The following ZNF875 variants were observed in gnomAD, a reference collection of about 807,000 sequenced individuals.
ZNF875 encodes the protein HKR1, GLI-Kruppel zinc finger family member.
Under a neutral mutation model 11.2 loss-of-function variants are expected in ZNF875, and 14 were observed. The observed-to-expected ratio is 1.26, with a 90% CI of 0.83 to 1.96. The LOEUF (loss-of-function observed/expected upper bound fraction) is 1.96. Ranked by LOEUF, ZNF875 falls within the 30% of genes most tolerant of loss-of-function variation. ZNF875 has a pLI of 0.00. For missense variants in ZNF875, 752 were observed against 760.4 expected (o/e 0.99, Z 0.13); for synonymous variants, 301 against 281.1 (o/e 1.07, Z -0.71).
intron 2 of ZNF875, among the ~76,000 whole-genome samples, chr19:37,335,804 G>A (rs2034253125): frequency 6.6e-6 from 1 of 152,146 alleles, no homozygotes; most frequent in African/African-American, 2.4e-5. Flanking sequence ...ATGATAAACA[G>A]TTTACCGTTT....
At chr19:37,322,567 T>C (rs542114002) in intron 2 of ZNF875, among the ~76,000 whole-genome samples, 1 of 152,338 alleles carries the variant, frequency 6.6e-6, no homozygotes, top group East Asian at 1.9e-4. Context: ...TTTATTAGCT[T>C]TCTGATGCTG....
At chr19:37,338,149 G>A (rs2034897739) in intron 2 of ZNF875, among the ~76,000 whole-genome samples, 2 of 152,196 alleles carry the variant, frequency 1.3e-5, no homozygotes, top group Admixed American at 6.5e-5. Flanking sequence ...TTGAGGCGGA[G>A]TCATGCTCTG....
intron 4 of ZNF875, 54 bp downstream of exon 4, chr19:37,347,926 G>A (rs2037135781): frequency 9.6e-7 from 1 of 1,036,404 alleles, no homozygotes; most frequent in East Asian, 2.4e-5. Flanking sequence ...CAGATAGGAA[G>A]GAGGAGGCAT....
At chr19:37,317,003 T>C (rs2030249326), upstream of ZNF875, 1 of 137,422 alleles carries the variant, frequency 7.3e-6, no homozygotes, top group South Asian at 2.4e-4. Flanking sequence ...AGACGGAGTT[T>C]CGGTCTTGCC....
At chr19:37,320,038 C>T (rs2031071856) in intron 1 of ZNF875, among the ~76,000 whole-genome samples, 1 of 152,180 alleles carries the variant, frequency 6.6e-6, no homozygotes, top group Non-Finnish European at 1.5e-5. Context: ...CAGGCACCCG[C>T]CACCACGCCC....
chr19:37,336,229 G>A (rs1321615295), intron 2 of ZNF875, among the ~76,000 whole-genome samples: 1 of 151,750 alleles, frequency 6.6e-6, no homozygotes, highest in Non-Finnish European at 1.5e-5. Context: ...AGGAAGCATA[G>A]ATAGTTTCAG....
At chr19:37,338,101 T>A (rs549188934) in intron 2 of ZNF875, among the ~76,000 whole-genome samples, 1 of 152,160 alleles carries the variant, frequency 6.6e-6, no homozygotes, top group Non-Finnish European at 1.5e-5. Context: ...TTTCCCAAGG[T>A]AACATTGAAT....
rs1192354032 is a variant in ZNF875 at position 37,363,424 on chromosome 19, CCAGAGGACA to C, written c.1575_1583del (p.Gln525_Thr527del). ...ATGATAAGTCCACCCTCATTTCACA[CCAGAGGACA>C]CATTCAGGGGAAAAGCCTTTTATGT... On this transcript the variant is annotated inframe_deletion, in exon 5 of 5. Coordinates refer to ENST00000392153, the MANE Select transcript of ZNF875 (RefSeq NM_001353803.2). 5.0e-5 allele frequency: 80 copies of C among 1,613,926 alleles called. No homozygotes were observed. The highest frequency in any genetic ancestry group is 6.7e-5 in the Non-Finnish European group (79 of 1,180,014).
chr19:37,335,319 G>T, intron 2 of ZNF875, 62 bp downstream of exon 2: 1 of 660,804 alleles, frequency 1.5e-6, no homozygotes, highest in Non-Finnish European at 2.8e-6. Flanking sequence ...ACCTTTTCTT[G>T]TCCTGGAGGC....
chr19:37,344,539 G>A, intron 2 of ZNF875: 1 of 681,134 alleles, frequency 1.5e-6, no homozygotes, highest in Non-Finnish European at 2.6e-6. Context: ...GAAGTCTTTT[G>A]CTAGAATCCT....
chr19:37,354,112 A>T (rs1568634507), intron 4 of ZNF875, among the ~76,000 whole-genome samples: 1 of 151,774 alleles, frequency 6.6e-6, no homozygotes, highest in African/African-American at 2.4e-5. Context: ...GGGTGGGTGG[A>T]TATATGTAAT....
intron 1 of ZNF875, among the ~76,000 whole-genome samples, chr19:37,319,481 G>T (rs2030924248): frequency 6.6e-6 from 1 of 151,554 alleles, no homozygotes; most frequent in African/African-American, 2.4e-5. Context: ...TAGGCGGCAG[G>T]TCTCTATCTT....
chr19:37,319,076 C>T (rs1241949948), intron 1 of ZNF875, among the ~76,000 whole-genome samples: 4 of 143,944 alleles, frequency 2.8e-5, no homozygotes, highest in South Asian at 2.2e-4. Flanking sequence ...GACGGAGTTT[C>T]GCTCTTGTTG....
intron 4 of ZNF875, among the ~76,000 whole-genome samples, chr19:37,358,228 T>G (rs913480528): frequency 3.5e-5 from 5 of 141,224 alleles, no homozygotes; most frequent in African/African-American, 5.3e-5. Context: ...CACTGCAAGC[T>G]CCGTCTCCCA....
chr19:37,363,300 G>A lies in ZNF875; in HGVS notation c.1448G>A (p.Cys483Tyr), dbSNP rs1294676261. The stretch of plus-strand genomic sequence containing the variant: ...GAGAAGCCATTTGTATGTACGGAGT[G>A]TGGGCGAGGCTTTACCCGGAAATCA... ...TGEKPFVCTE[C>Y]GRGFTRKSTL... The change falls in exon 5 of 5, where the codon TGT (cysteine) becomes TAT (tyrosine). Residue 483 changes from cysteine (C) to tyrosine (Y), a missense_variant. Physicochemically the swap from Cys to Tyr is radical, Grantham distance 194. Coordinates refer to ENST00000392153, the MANE Select transcript of ZNF875 (RefSeq NM_001353803.2). The A allele has an allele frequency of 6.2e-7, 1 of 1,611,216 alleles. No individual in the cohort carries two copies. Among genetic ancestry groups the A allele is most frequent in the Non-Finnish European group, 8.5e-7 (1 of 1,177,994 alleles).
upstream of ZNF875, among the ~76,000 whole-genome samples, chr19:37,334,335 T>C (rs1010415109): frequency 3.3e-5 from 5 of 152,182 alleles, no homozygotes; most frequent in Non-Finnish European, 4.4e-5. Flanking sequence ...CACCCGCACC[T>C]TGAAGGTCAG....
intron 2 of ZNF875, among the ~76,000 whole-genome samples, chr19:37,343,713 T>C (rs1600078955): frequency 6.6e-6 from 1 of 152,124 alleles, no homozygotes; most frequent in Non-Finnish European, 1.5e-5. Context: ...TCATGTTTGC[T>C]GGTGTCCCAC....
chr19:37,321,297 A>C (rs2031390050), intron 1 of ZNF875, among the ~76,000 whole-genome samples: 1 of 152,210 alleles, frequency 6.6e-6, no homozygotes, highest in Admixed American at 6.5e-5. Context: ...GTCCCTGGGC[A>C]ATGGAATGTC....
upstream of ZNF875, chr19:37,315,395 T>C (rs1253271376): frequency 6.6e-6 from 1 of 152,230 alleles, no homozygotes; most frequent in African/African-American, 2.4e-5. Context: ...TTTTTATACA[T>C]ATTTTCTGCA....
Sources: gnomAD v4.1 joint callset for allele counts (sites outside exome capture counted in the v4.1 genomes callset) on GRCh38, gnomAD v4.1.1 for gene constraint, MANE v1.5 for transcripts, NCBI Gene and HGNC (gene_info 2026-07-23, HGNC 2026-07-21) for gene names.